The following NANOS3 variants were observed in gnomAD, a reference collection of about 807,000 sequenced individuals.
NANOS3 encodes nanos C2HC-type zinc finger 3.
In NANOS3, 11 loss-of-function variants were observed where a neutral mutation model predicts 13.8. That is an observed-to-expected ratio of 0.80 (90% CI 0.50 to 1.32). NANOS3 has a LOEUF of 1.32. Ranked by LOEUF, NANOS3 falls within the 40% of genes most tolerant of loss-of-function variation. NANOS3 has a pLI of 0.00. For synonymous variants in NANOS3, 119 were observed against 115.4 expected (o/e 1.03, Z -0.20); for missense variants, 221 against 263.8 (o/e 0.84, Z 1.12).
chr19:13,870,156 G>A (rs988756862), intron 1 of NANOS3, among the ~76,000 whole-genome samples: 10 of 151,708 alleles, frequency 6.6e-5, no homozygotes, highest in Non-Finnish European at 1.2e-4. Context: ...CCTGGCTTCC[G>A]TCAGCCTCGA....
chr19:13,877,430 A>G lies in NANOS3; in HGVS notation c.182A>G (p.Lys61Arg), dbSNP rs760206856. ...GAGTCGGTGCCAGTGCCGGGACCCAAGGATCAGAAGCGCAGCCTGGAGTCC... is the reference window on the plus strand; with the variant it reads ...GAGTCGGTGCCAGTGCCGGGACCCAGGGATCAGAAGCGCAGCCTGGAGTCC... ...APESVPVPGPKDQKRSLESSP... is the reference protein window; with the variant it reads ...APESVPVPGPRDQKRSLESSP... Residue 61 changes from lysine (K) to arginine (R), a missense_variant, in exon 1 of 2, where the codon AAG becomes AGG. Physicochemically the swap from Lys to Arg is conservative, Grantham distance 26 (BLOSUM62 2). Around this residue, in one of 3 missense-constraint regions of NANOS3, gnomAD observed 112 missense variants for 116.3 expected, o/e 0.96. Transcript: ENST00000339133. The G allele has an allele frequency of 1.9e-6, 3 of 1,612,292 alleles. No individual in the cohort carries two copies. Among genetic ancestry groups the G allele is most frequent in the South Asian group, 1.1e-5 (1 of 91,090 alleles).
chr19:13,871,673 A>AC (rs1217265777), intron 1 of NANOS3, among the ~76,000 whole-genome samples: 4 of 151,434 alleles, frequency 2.6e-5, no homozygotes, highest in Admixed American at 6.6e-5. Context: ...CTGCCTGATG[A>AC]CCCCCCGCCC....
At position 13,877,814 on chromosome 19, in the gene NANOS3, G is replaced by GC. The variant is rs1176206758; in HGVS notation, c.517+55dup. On this transcript the variant is annotated intron_variant, in intron 1 of 1. Coordinates refer to ENST00000339133, the MANE Select transcript of NANOS3 (RefSeq NM_001098622.3). Reference sequence around the variant, plus strand: ...GGACCTGTCCGAGGGTAGTGGCTGAGCCCCCCTGTGAAGTAAGATTAGCCC... The same window carrying GC: ...GGACCTGTCCGAGGGTAGTGGCTGAGCCCCCCCTGTGAAGTAAGATTAGCCC... The GC allele has an allele frequency of 1.7e-5, 25 of 1,509,288 alleles. No individual in the cohort carries two copies. In the African/African-American group the frequency reaches 2.1e-4, roughly 12 times the overall value. 93.5% of individuals were successfully genotyped at this position (1,509,288 alleles called of 1,614,324 possible).
intron 1 of NANOS3, among the ~76,000 whole-genome samples, chr19:13,878,728 C>T (rs550837726): frequency 6.6e-6 from 1 of 151,092 alleles, no homozygotes; most frequent in East Asian, 1.9e-4. Flanking sequence ...GATTCTCCTG[C>T]CTCAGCCTCC....
intron 1 of NANOS3, among the ~76,000 whole-genome samples, chr19:13,867,902 C>T (rs1249883992): frequency 2.6e-5 from 4 of 152,146 alleles, no homozygotes; most frequent in Non-Finnish European, 5.9e-5. Flanking sequence ...CACTCAGACA[C>T]CTGCACATCT....
At position 13,867,584 on chromosome 19, in the gene NANOS3, C is replaced by T. The variant is rs572878924; in HGVS notation, n.21+2147C>T. ...TGTTTGTTTGTTTTGTTTTTTGAGA[C>T]AGGGTCTGGCTCTGTCACCCAGACT... On this transcript the variant is annotated intron_variant and non_coding_transcript_variant, in intron 1 of 2. Coordinates refer to the NANOS3 transcript ENST00000591161. 1.4e-4 allele frequency among the ~76,000 whole-genome samples: 22 copies of T among 152,118 alleles called. No individual in the cohort carries two copies. The South Asian group carries it at 4.4e-3, about 30-fold the overall frequency.
At chr19:13,864,533 T>G (rs1976202034), upstream of NANOS3, among the ~76,000 whole-genome samples, 1 of 151,910 alleles carries the variant, frequency 6.6e-6, no homozygotes, top group Admixed American at 6.6e-5. Context: ...TCTCCATGGG[T>G]GTGTTCTGGT....
Position 13,877,458 on chromosome 19 carries a change from G to C in NANOS3, c.210G>C (p.Ser70=), listed in dbSNP as rs751508183. 6.2e-6 allele frequency: 10 copies of C among 1,611,540 alleles called. No individual in the cohort carries two copies. The East Asian group carries it at 2.2e-4, about 36-fold the overall frequency. ...PKDQKRSLES[S]PAPERLCSFC... is the part of the protein sequence containing the mutation. ...ATCAGAAGCGCAGCCTGGAGTCCTC[G>C]CCAGCTCCCGAACGCCTGTGCTCTT... The change falls in exon 1 of 2, where the codon TCG becomes TCC. Residue 70 remains serine, a synonymous_variant. Coordinates refer to ENST00000339133, the MANE Select transcript of NANOS3 (RefSeq NM_001098622.3).
At chr19:13,864,373 G>A (rs746292460), upstream of NANOS3, among the ~76,000 whole-genome samples, 5 of 150,126 alleles carry the variant, frequency 3.3e-5, no homozygotes, top group Non-Finnish European at 5.9e-5. Context: ...CCTGAATTGC[G>A]TGTGTCCATG....
At chr19:13,869,715 C>T (rs1284733357) in intron 1 of NANOS3, among the ~76,000 whole-genome samples, 5 of 151,666 alleles carry the variant, frequency 3.3e-5, no homozygotes, top group South Asian at 2.1e-4. Context: ...CAGGTCCTGA[C>T]GACCTCCCCC....
intron 1 of NANOS3, among the ~76,000 whole-genome samples, chr19:13,866,531 C>T (rs985795651): frequency 1.3e-5 from 2 of 152,194 alleles, no homozygotes; most frequent in Non-Finnish European, 2.9e-5. Flanking sequence ...ATACAGTCCC[C>T]ACAATAACAC....
chr19:13,862,179 C>G (rs999216490), upstream of NANOS3: 1 of 152,436 alleles, frequency 6.6e-6, no homozygotes, highest in Admixed American at 6.5e-5. Flanking sequence ...GAGAGTTAGA[C>G]GTAGAGAAAC....
At chr19:13,868,249 G>T (rs936992307) in intron 1 of NANOS3, among the ~76,000 whole-genome samples, 3 of 151,914 alleles carry the variant, frequency 2.0e-5, no homozygotes, top group African/African-American at 7.2e-5. Context: ...AATAGAGACA[G>T]AGTTTCACAA....
At chr19:13,871,678 C>G (rs1302171601) in intron 1 of NANOS3, among the ~76,000 whole-genome samples, 1 of 152,200 alleles carries the variant, frequency 6.6e-6, no homozygotes, top group Non-Finnish European at 1.5e-5. Flanking sequence ...TGATGACCCC[C>G]CGCCCCCAAC....
upstream of NANOS3, among the ~76,000 whole-genome samples, chr19:13,873,399 C>T (rs1451068658): frequency 6.6e-6 from 1 of 151,692 alleles, no homozygotes; most frequent in Non-Finnish European, 1.5e-5. Flanking sequence ...CCCTCATCTA[C>T]CTTGGGGTTA....
intron 1 of NANOS3, chr19:13,865,470 G>T (rs916282480): frequency 3.6e-4 from 52 of 144,268 alleles, no homozygotes; most frequent in African/African-American, 1.3e-3. Context: ...CCGGGGGCAC[G>T]GGCGGGGCGG....
chr19:13,876,987 G>C (rs550801600), upstream of NANOS3, among the ~76,000 whole-genome samples: 1 of 152,130 alleles, frequency 6.6e-6, no homozygotes, highest in African/African-American at 2.4e-5. Context: ...GTAGTCCCCC[G>C]GCACAGCCAG....
upstream of NANOS3, among the ~76,000 whole-genome samples, chr19:13,863,981 T>G (rs1309395162): frequency 6.6e-6 from 1 of 151,894 alleles, no homozygotes; most frequent in Admixed American, 6.6e-5. Context: ...AGGGGGCCAG[T>G]CAAAGGTTTC....
chr19:13,871,909 G>A (rs1435737677), intron 1 of NANOS3, among the ~76,000 whole-genome samples: 1 of 152,170 alleles, frequency 6.6e-6, no homozygotes, highest in Admixed American at 6.5e-5. Context: ...TAAGGTGGGA[G>A]GATTGGTTGG....
Sources: allele counts gnomAD v4.1 joint callset (sites outside exome capture counted in the v4.1 genomes callset), GRCh38; gene constraint gnomAD v4.1.1; regional missense constraint gnomAD v4.1.1; transcripts MANE v1.5; gene names NCBI Gene and HGNC (gene_info 2026-07-23, HGNC 2026-07-21).